The following DGKH variants were observed in gnomAD, a reference collection of about 807,000 sequenced individuals.
DGKH encodes diacylglycerol kinase eta, also known as DAG kinase eta.
DGKH carries 90 observed loss-of-function variants against 159.3 expected under a neutral mutation model. The observed-to-expected ratio is 0.57, with a 90% CI of 0.48 to 0.67. The LOEUF is 0.67. Among genes scored for constraint, DGKH ranks in the 30% least tolerant of loss-of-function variants. The probability of loss-of-function intolerance (pLI) is 0.00; values close to 1 mark genes in which losing one functional copy is unlikely to be tolerated. For missense variants in DGKH, 1,181 were observed against 1,506.1 expected, an observed-to-expected ratio of 0.78 and a Z score of 3.57; for synonymous variants, 536 against 553.8, an observed-to-expected ratio of 0.97 and a Z score of 0.45.
At chr13:42,043,583 T>G (rs2137623602) in intron 1 of DGKH, 1 of 152,260 alleles carries the variant, frequency 6.6e-6, no homozygotes, top group African/African-American at 2.4e-5. Context: ...CCTCCTGACA[T>G]GGCATCCCAA....
At position 42,070,750 on chromosome 13, in the gene DGKH, A is replaced by G. The variant is rs1016336888; in HGVS notation, c.192+21785A>G. 1.7e-5 allele frequency: 27 copies of G among 1,597,978 alleles called. No individual in the cohort carries two copies. The African/African-American group carries it at 2.3e-4, about 14-fold the overall frequency. ...AGGGCCCTGCTCCAGCACTTTAGACAAGTCTGTCTTCATGTACTCCTGAAC... is the reference window on the plus strand; with the variant it reads ...AGGGCCCTGCTCCAGCACTTTAGACGAGTCTGTCTTCATGTACTCCTGAAC... On this transcript the variant is annotated intron_variant, in intron 1 of 29. Coordinates refer to ENST00000337343, the MANE Select transcript of DGKH (RefSeq NM_178009.5).
intron 1 of DGKH, among the ~76,000 whole-genome samples, chr13:42,049,167 G>A (rs1244543467): frequency 5.8e-5 from 8 of 138,158 alleles, no homozygotes; most frequent in Non-Finnish European, 1.3e-4. Context: ...GGCGGGGCCT[G>A]GGGCGCGGGC....
chr13:42,244,580 T>C (rs971621955), downstream of DGKH, among the ~76,000 whole-genome samples: 2 of 152,110 alleles, frequency 1.3e-5, no homozygotes, highest in East Asian at 1.9e-4. Flanking sequence ...AATCCAGTAG[T>C]TTGCCACTAA....
chr13:42,051,585 C>G (rs7337582), intron 1 of DGKH, among the ~76,000 whole-genome samples: 27,200 of 149,044 alleles, frequency 0.18, 2,520 homozygotes, highest in Non-Finnish European at 0.21. Flanking sequence ...TGTCTCCGCA[C>G]AGGTGTGTAA....
intron 29 of DGKH, among the ~76,000 whole-genome samples, chr13:42,227,524 G>A (rs868517865): frequency 6.6e-6 from 1 of 152,066 alleles, no homozygotes; most frequent in Non-Finnish European, 1.5e-5. Context: ...GACTGTAAAC[G>A]CATGTACATT....
intron 20 of DGKH, among the ~76,000 whole-genome samples, chr13:42,201,937 G>C (rs1594197970): frequency 1.3e-5 from 2 of 152,022 alleles, no homozygotes; most frequent in East Asian, 3.9e-4. Context: ...TGAAATCACG[G>C]GTGTTACTAA....
intron 30 of DGKH, among the ~76,000 whole-genome samples, chr13:42,253,509 T>A (rs886214412): frequency 6.6e-6 from 1 of 152,254 alleles, no homozygotes; most frequent in Non-Finnish European, 1.5e-5. Context: ...ATAAACTAGC[T>A]AGTCTATGGT....
chr13:42,108,295 TAATTTAAGGGTGAGGGAAAATA>T lies in DGKH; in HGVS notation c.193-19143_193-19122del, dbSNP rs529948212. On this transcript the variant is annotated intron_variant, in intron 1 of 29. Transcript: ENST00000337343. ...TTCAGAAACCTTTTGATTGGCAGAT[TAATTTAAGGGTGAGGGAAAATA>T]AATTTAAGGGTGAGGGAAAATAAAA... 3.1e-4 allele frequency among the ~76,000 whole-genome samples: 47 copies of T among 152,308 alleles called. No individual in the cohort carries two copies. In the South Asian group the frequency reaches 5.4e-3, roughly 17 times the overall value.
intron 15 of DGKH, 67 bp from the exon 16 acceptor site, chr13:42,190,336 G>A: frequency 4.5e-6 from 7 of 1,547,348 alleles, no homozygotes; most frequent in Non-Finnish European, 6.1e-6. Context: ...CCTTTCCTGA[G>A]CATATCTTAA....
chr13:42,190,962 G>A (rs17645596), intron 16 of DGKH, among the ~76,000 whole-genome samples: 18,156 of 152,110 alleles, frequency 0.12, 1,545 homozygotes, highest in East Asian at 0.4. Context: ...AAGTTCCATC[G>A]ATCAACCTTC....
rs1428948568 is a variant in DGKH, at chr13:42,235,981, A to T, written c.*6793A>T. ...TATGCTGGCTATTCAAACTGCCAAG[A>T]TGTATTTTAGTTTGCAGGATTTTTG... On this transcript the variant is annotated 3_prime_UTR_variant, in exon 30 of 30. Transcript: ENST00000337343. 1.3e-5 allele frequency: 2 copies of T among 152,124 alleles called. No homozygotes were observed. The highest frequency in any genetic ancestry group is 6.5e-5 in the Admixed American group (1 of 15,282). 9.4% of individuals were successfully genotyped at this position (152,124 alleles called of 1,614,324 possible).
Position 42,069,359 on chromosome 13 carries a change from T to G in DGKH, c.192+20394T>G, listed in dbSNP as rs1187909911. 2.1e-6 allele frequency: 3 copies of G among 1,454,392 alleles called. No individual in the cohort carries two copies. The African/African-American group carries it at 4.2e-5, about 20-fold the overall frequency. The allele number at this position is 1,454,392 out of a possible 1,614,324, so 90.1% of individuals were successfully genotyped here. A position where few individuals can be genotyped will look rare whatever the true frequency, so the allele number is the denominator to read the frequency against. On this transcript the variant is annotated intron_variant, in intron 1 of 29. Coordinates refer to ENST00000337343, the MANE Select transcript of DGKH (RefSeq NM_178009.5). ...TTTCTAATTGAGCCAGATTTGCCAT[T>G]CCTTTTTCCTGTTTTTCTTGACTTA...
At chr13:42,055,112 G>A (rs917769633) in intron 1 of DGKH, among the ~76,000 whole-genome samples, 8 of 152,126 alleles carry the variant, frequency 5.3e-5, no homozygotes, top group African/African-American at 1.9e-4. Flanking sequence ...TCAGGCGGCC[G>A]GCAGGATATG....
rs2138316136 is a variant in DGKH at position 42,238,214 on chromosome 13, G to A, written c.*9026G>A. On this transcript the variant is annotated 3_prime_UTR_variant, in exon 30 of 30. Coordinates refer to ENST00000337343, the MANE Select transcript of DGKH (RefSeq NM_178009.5). Reference sequence around the variant, plus strand: ...CAATTTCTTTCCCACGGTCATTTTGGATATAAAGATAGACTTCCCAGACAG... The same window carrying A: ...CAATTTCTTTCCCACGGTCATTTTGAATATAAAGATAGACTTCCCAGACAG... The A allele has an allele frequency of 6.6e-6, 1 of 152,230 alleles. No homozygotes were observed. The highest frequency in any genetic ancestry group is 1.9e-4 in the East Asian group (1 of 5,186). The allele number at this position is 152,230 out of a possible 1,614,324, so 9.4% of individuals were successfully genotyped here.
At chr13:42,135,507 A>AAAAAAAAAAAAAAAAAAAAAC (rs71096557) in intron 3 of DGKH, among the ~76,000 whole-genome samples, 1 of 113,404 alleles carries the variant, frequency 8.8e-6, no homozygotes, top group African/African-American at 2.8e-5. Flanking sequence ...AAAAAAAAAA[A>AAAAAAAAAAAAAAAAAAAAAC]AGAGAGAGAG....
intron 1 of DGKH, among the ~76,000 whole-genome samples, chr13:42,093,127 C>T (rs1954453055): frequency 6.6e-6 from 1 of 151,716 alleles, no homozygotes; most frequent in Non-Finnish European, 1.5e-5. Context: ...ACTTGTAGTC[C>T]CAGCTGCTTG....
rs1327433038 is a variant in DGKH, at chr13:42,221,255, C to T, written c.3443-9C>T. ...GAAATTAAGGGGGTTTTGCTCTTAACTTTGGTAGTTCAGAAATGGGGCACA... is the reference window on the plus strand; with the variant it reads ...GAAATTAAGGGGGTTTTGCTCTTAATTTTGGTAGTTCAGAAATGGGGCACA... On this transcript the variant is annotated splice_polypyrimidine_tract_variant and intron_variant, in intron 28 of 29. Transcript: ENST00000337343. 1.9e-6 allele frequency: 3 copies of T among 1,612,930 alleles called. No individual in the cohort carries two copies. The highest frequency in any genetic ancestry group is 2.2e-5 in the East Asian group (1 of 44,864).
Position 42,158,169 on chromosome 13 carries a change from A to G in DGKH, c.623-1097A>G, listed in dbSNP as rs536974419. ...ACATTTGGCTAAAGACATCTTAGTT[A>G]TTTTACCTGAAACTTTTGTTTTCGT... On this transcript the variant is annotated intron_variant, in intron 5 of 29. Transcript: ENST00000337343. Among the ~76,000 whole-genome samples the G allele has an allele frequency of 3.9e-5, 6 of 152,334 alleles. No homozygotes were observed. The East Asian group carries it at 1.2e-3, about 29-fold the overall frequency.
intron 1 of DGKH, among the ~76,000 whole-genome samples, chr13:42,110,790 A>C (rs750202547): frequency 7.2e-5 from 11 of 152,366 alleles, no homozygotes; most frequent in Middle Eastern, 6.8e-3. Context: ...ATTATATTTT[A>C]TGAAAAAACT....
Sources: gnomAD v4.1 joint callset for allele counts (sites outside exome capture counted in the v4.1 genomes callset) on GRCh38, gnomAD v4.1.1 for gene constraint, MANE v1.5 for transcripts, NCBI Gene and HGNC (gene_info 2026-07-23, HGNC 2026-07-21) for gene names.